The following ZFP42 variants were observed in gnomAD, a reference collection of about 807,000 sequenced individuals.
ZFP42 encodes the protein ZFP42 zinc finger protein.
For missense variants in ZFP42, 438 were observed against 377.1 expected (o/e 1.16, Z -1.34); for synonymous variants, 175 against 144.6 (o/e 1.21, Z -1.51).
At chr4:187,997,431 G>T (rs534646560) in intron 1 of ZFP42, among the ~76,000 whole-genome samples, 2 of 151,252 alleles carry the variant, frequency 1.3e-5, no homozygotes, top group African/African-American at 4.9e-5. Context: ...GTTTCACCAT[G>T]TTGGCCAGGA....
intron 1 of ZFP42, among the ~76,000 whole-genome samples, chr4:187,997,777 C>T (rs78449979): frequency 1.4e-4 from 22 of 152,216 alleles, no homozygotes; most frequent in African/African-American, 5.1e-4. Flanking sequence ...AGCAACCCCA[C>T]GTACTATGGT....
At chr4:187,997,887 C>T (rs1011424224) in intron 1 of ZFP42, among the ~76,000 whole-genome samples, 11 of 152,084 alleles carry the variant, frequency 7.2e-5, no homozygotes, top group Admixed American at 1.3e-4. Flanking sequence ...GTGTGTTTGT[C>T]TCTTCGTTTT....
chr4:187,997,508 T>C (rs1429540953), intron 1 of ZFP42, among the ~76,000 whole-genome samples: 1 of 151,926 alleles, frequency 6.6e-6, no homozygotes, highest in Non-Finnish European at 1.5e-5. Context: ...ATTACAAGCG[T>C]GAGCCACCGC....
At chr4:188,001,907 G>A (rs1733837654) in intron 3 of ZFP42, among the ~76,000 whole-genome samples, 1 of 152,310 alleles carries the variant, frequency 6.6e-6, no homozygotes, top group Middle Eastern at 3.4e-3. Context: ...GGCCAGGCAT[G>A]GTGGCTCACG....
chr4:188,003,535 A>C lies in ZFP42; in HGVS notation c.728A>C (p.Lys243Thr). ...CATTTCCTGGTTCATACTGGAGAGA[A>C]GCCGTTTCGGTGCACTTTTGAAGGG... ...KRHFLVHTGE[K>T]PFRCTFEGCG... is the part of the protein sequence containing the mutation. Residue 243 changes from lysine to threonine, a missense_variant, in exon 4 of 4, where the codon AAG becomes ACG. Physicochemically the swap from Lys to Thr is moderately conservative, Grantham distance 78. Coordinates refer to ENST00000326866, the MANE Select transcript of ZFP42 (RefSeq NM_174900.5). The C allele has an allele frequency of 6.2e-7, 1 of 1,613,736 alleles. No individual in the cohort carries two copies. Among genetic ancestry groups the C allele is most frequent in the Non-Finnish European group, 8.5e-7 (1 of 1,180,034 alleles).
intron 1 of ZFP42, among the ~76,000 whole-genome samples, chr4:187,996,540 C>T (rs1365512392): frequency 6.6e-6 from 1 of 151,886 alleles, no homozygotes; most frequent in Non-Finnish European, 1.5e-5. Context: ...GAACTCGTGA[C>T]CTCAGATGAT....
chr4:188,000,555 T>C (rs1733771226), intron 3 of ZFP42, among the ~76,000 whole-genome samples: 1 of 152,250 alleles, frequency 6.6e-6, no homozygotes. Flanking sequence ...CTTGTATTTT[T>C]AGTAGACAGG....
rs186330600 is a variant in ZFP42, at chr4:188,004,701, T to C, written c.*961T>C. 1,489 of 167,274 alleles carry C rather than the reference T, an allele frequency of 8.9e-3. 11 individuals are homozygous for C. Among genetic ancestry groups the C allele is most frequent in the Non-Finnish European group, 0.017 (1,132 of 68,280 alleles). 10.4% of individuals were successfully genotyped at this position (167,274 alleles called of 1,614,324 possible). ...TACTCAGGAGGCTGAAGCAGGAGGATAGCTTGAGCCCAGGAGTTTGAGGCT... is the reference window on the plus strand; with the variant it reads ...TACTCAGGAGGCTGAAGCAGGAGGACAGCTTGAGCCCAGGAGTTTGAGGCT... On this transcript the variant is annotated 3_prime_UTR_variant, in exon 4 of 4. Transcript: ENST00000326866.
intron 1 of ZFP42, among the ~76,000 whole-genome samples, chr4:187,998,496 C>A (rs1458751974): frequency 6.6e-6 from 1 of 152,170 alleles, no homozygotes; most frequent in Non-Finnish European, 1.5e-5. Context: ...CCCAGGCCTT[C>A]ATTCACTCAA....
In ZFP42 at chr4:187,997,228, C is replaced by CTTTTTTTTTT. The variant is rs71595201; in HGVS notation, c.-339+1401_-339+1410dup. Among the ~76,000 whole-genome samples the CTTTTTTTTTT allele has an allele frequency of 3.6e-3, 217 of 60,004 alleles. 29 individuals are homozygous for CTTTTTTTTTT. The highest frequency in any genetic ancestry group is 4.2e-3 in the African/African-American group (54 of 12,738). The allele number at this position is 60,004 out of a possible 152,430, so 39.4% of individuals were successfully genotyped here. A position where few individuals can be genotyped will look rare whatever the true frequency, so the allele number is the denominator to read the frequency against. On this transcript the variant is annotated intron_variant, in intron 1 of 3. Coordinates refer to ENST00000326866, the MANE Select transcript of ZFP42 (RefSeq NM_174900.5). ...CCTCGGTTACTTCCCCTCTCATATTCTTTTTTTTTTTTTTTTTTTTTTGAG... is the reference window on the plus strand; with the variant it reads ...CCTCGGTTACTTCCCCTCTCATATTCTTTTTTTTTTTTTTTTTTTTTTTTTTTTTTTTGAG...
At chr4:187,996,502 G>A (rs909332193) in intron 1 of ZFP42, among the ~76,000 whole-genome samples, 1 of 151,582 alleles carries the variant, frequency 6.6e-6, no homozygotes, top group Non-Finnish European at 1.5e-5. Context: ...TAGAGACGGG[G>A]TTTCACCATG....
rs1199657032 is a variant in ZFP42 at position 188,003,234 on chromosome 4, T to G, written c.427T>G (p.Tyr143Asp). 3.7e-6 allele frequency: 6 copies of G among 1,613,988 alleles called. No homozygotes were observed. The highest frequency in any genetic ancestry group is 5.1e-6 in the Non-Finnish European group (6 of 1,179,996). Reference protein sequence around the residue: ...QKIVGENSLEYSEYMTGKKLP... With the variant: ...QKIVGENSLEDSEYMTGKKLP... ...GATAGTTGGAGAGAATTCGCTTGAG[T>G]ATTCTGAGTACATGACAGGCAAGAA... Residue 143 changes from tyrosine to aspartate, a missense_variant, in exon 4 of 4, where the codon TAT becomes GAT. Physicochemically the swap from Tyr to Asp is radical, Grantham distance 160. Coordinates refer to ENST00000326866, the MANE Select transcript of ZFP42 (RefSeq NM_174900.5).
chr4:187,997,567 A>G (rs932580384), intron 1 of ZFP42, among the ~76,000 whole-genome samples: 12 of 151,432 alleles, frequency 7.9e-5, no homozygotes, highest in Admixed American at 7.2e-4. Context: ...ATTTTTCTCA[A>G]TCTGACATTT....
intron 3 of ZFP42, among the ~76,000 whole-genome samples, chr4:187,999,895 C>T (rs1425797603): frequency 6.6e-6 from 1 of 152,144 alleles, no homozygotes; most frequent in African/African-American, 2.4e-5. Context: ...GAAAAAAGAA[C>T]ATTTGTAATG....
chr4:187,996,303 CTCTT>C (rs893557875), intron 1 of ZFP42, among the ~76,000 whole-genome samples: 4 of 150,972 alleles, frequency 2.6e-5, no homozygotes, highest in Non-Finnish European at 4.4e-5. Flanking sequence ...ACCTAGGAGA[CTCTT>C]TCTTTTCTTT....
chr4:187,997,924 A>C (rs1733663626), intron 1 of ZFP42, among the ~76,000 whole-genome samples: 1 of 152,210 alleles, frequency 6.6e-6, no homozygotes, highest in Non-Finnish European at 1.5e-5. Context: ...AAACAGACAA[A>C]ATTTTACAGA....
intron 1 of ZFP42, among the ~76,000 whole-genome samples, chr4:187,997,679 A>G (rs1733655803): frequency 6.6e-6 from 1 of 152,076 alleles, no homozygotes; most frequent in Non-Finnish European, 1.5e-5. Flanking sequence ...CGAATACTAA[A>G]TGTATATGAA....
chr4:187,997,883 T>G (rs1733661775), intron 1 of ZFP42, among the ~76,000 whole-genome samples: 1 of 152,210 alleles, frequency 6.6e-6, no homozygotes, highest in Non-Finnish European at 1.5e-5. Context: ...ATGTGTGTGT[T>G]TGTCTCTTCG....
At chr4:187,996,189 A>G (rs1733554096) in intron 1 of ZFP42, among the ~76,000 whole-genome samples, 1 of 152,208 alleles carries the variant, frequency 6.6e-6, no homozygotes, top group South Asian at 2.1e-4. Flanking sequence ...TTCTATATTA[A>G]CATGCTTACA....
Sources: gnomAD v4.1 joint callset for allele counts (sites outside exome capture counted in the v4.1 genomes callset) on GRCh38, gnomAD v4.1.1 for gene constraint, MANE v1.5 for transcripts, NCBI Gene and HGNC (gene_info 2026-07-23, HGNC 2026-07-21) for gene names.